Variants in SCN3B observed in about 807,000 individuals in gnomAD.
SCN3B encodes the protein sodium channel regulatory subunit beta-3.
SCN3B carries 11 observed loss-of-function variants against 25.4 expected under a neutral mutation model. The ratio of observed to expected loss-of-function variants is 0.43; its 90% CI spans 0.27 to 0.72. The LOEUF is 0.72. SCN3B is among the 30% of genes least tolerant of loss of function. The probability of loss-of-function intolerance (pLI) is 0.18; values close to 1 mark genes in which losing one functional copy is unlikely to be tolerated. For missense variants in SCN3B, 218 were observed against 278.3 expected (o/e 0.78, Z 1.54); for synonymous variants, 109 against 110.7 (o/e 0.99, Z 0.09).
At chr11:123,654,038 T>A (rs896250401) in intron 1 of SCN3B, 188 bp downstream of exon 1, 6 of 582,932 alleles carry the variant, frequency 1.0e-5, no homozygotes, top group Admixed American at 6.0e-5. Flanking sequence ...AGGGAGCCGA[T>A]CAGCCGCTCC....
intron 2 of SCN3B, among the ~76,000 whole-genome samples, chr11:123,650,196 T>TG (rs36091560): frequency 0.24 from 36,313 of 152,118 alleles, 4,464 homozygotes; most frequent in Admixed American, 0.29. Context: ...AAAAACATGA[T>TG]TATTAATAAT....
chr11:123,646,997 T>C (rs1231861255), intron 2 of SCN3B, among the ~76,000 whole-genome samples: 1 of 152,162 alleles, frequency 6.6e-6, no homozygotes, highest in Admixed American at 6.5e-5. Context: ...ACACAGAACA[T>C]ATCTGTCTTC....
chr11:123,638,442 G>A, intron 4 of SCN3B, 118 bp from the exon 5 acceptor site: 1 of 1,378,136 alleles, frequency 7.3e-7, no homozygotes, highest in Non-Finnish European at 1.0e-6. Flanking sequence ...TCAAGAAGAT[G>A]TCAAAGGTAT....
chr11:123,653,925 C>G (rs976561877), intron 1 of SCN3B, 99 bp from the exon 2 acceptor site: 4 of 1,137,386 alleles, frequency 3.5e-6, no homozygotes, highest in Non-Finnish European at 5.3e-6. Flanking sequence ...ACTTTCTGAC[C>G]GAAGGAAGGG....
intron 3 of SCN3B, among the ~76,000 whole-genome samples, chr11:123,644,113 G>C (rs947916): frequency 0.2 from 30,481 of 152,228 alleles, 3,326 homozygotes; most frequent in African/African-American, 0.3. Context: ...TGTATCTGCT[G>C]TTAGACCACC....
Position 123,653,582 on chromosome 11 carries a change from C to A in SCN3B, c.55+165G>T, listed in dbSNP as rs72552184. Among the ~76,000 whole-genome samples the A allele has an allele frequency of 5.2e-3, 791 of 152,228 alleles. 3 individuals are homozygous for A. Among genetic ancestry groups the A allele is most frequent in the Non-Finnish European group, 9.8e-3 (664 of 68,008 alleles). ...CGGTGGGGAGGCGCCTTTCCCATCT[C>A]AAAATCCCAGCTCTCATGGAACCCC... On this transcript the variant is annotated intron_variant, in intron 2 of 6. Transcript: ENST00000299333.
intron 6 of SCN3B, 96 bp downstream of exon 6, chr11:123,634,025 G>A: frequency 1.0e-6 from 1 of 983,730 alleles, no homozygotes; most frequent in Non-Finnish European, 1.6e-6. Context: ...TGACCTAAGG[G>A]ACCAAATTTA....
At chr11:123,645,084 T>C (rs1241594305) in intron 3 of SCN3B, among the ~76,000 whole-genome samples, 1 of 151,986 alleles carries the variant, frequency 6.6e-6, no homozygotes, top group African/African-American at 2.4e-5. Flanking sequence ...TTTGACATAA[T>C]TGACTCACTG....
intron 2 of SCN3B, among the ~76,000 whole-genome samples, chr11:123,646,691 G>A (rs549094164): frequency 6.6e-6 from 1 of 152,302 alleles, no homozygotes; most frequent in South Asian, 2.1e-4. Flanking sequence ...TTTTTAAAAG[G>A]AGGCAAGTAT....
chr11:123,638,394 T>G, intron 4 of SCN3B, 70 bp from the exon 5 acceptor site: 1 of 1,593,176 alleles, frequency 6.3e-7, no homozygotes, highest in Non-Finnish European at 8.6e-7. Flanking sequence ...GGAGCCATAT[T>G]TTTAAGTACA....
In SCN3B at chr11:123,654,477, G is replaced by C. The variant is rs72553916; in HGVS notation, c.-277C>G. Reference sequence around the variant, plus strand: ...TTCGGCCGGCGATGTCAGAGGTTGGGGGGTGGGTGTAGAGGCGGAGCCCCT... The same window carrying C: ...TTCGGCCGGCGATGTCAGAGGTTGGCGGGTGGGTGTAGAGGCGGAGCCCCT... On this transcript the variant is annotated 5_prime_UTR_variant, in exon 1 of 7. Transcript: ENST00000299333. The C allele has an allele frequency of 5.0e-3, 784 of 156,446 alleles. 5 individuals are homozygous for C. The highest frequency in any genetic ancestry group is 0.017 in the African/African-American group (718 of 41,590). The allele number at this position is 156,446 out of a possible 1,614,324, so 9.7% of individuals were successfully genotyped here.
intron 3 of SCN3B, among the ~76,000 whole-genome samples, chr11:123,644,834 T>C (rs1955834958): frequency 2.3e-5 from 3 of 129,680 alleles, no homozygotes; most frequent in South Asian, 2.6e-4. Context: ...TATATATATA[T>C]ATATATACAC....
intron 5 of SCN3B, among the ~76,000 whole-genome samples, chr11:123,637,063 T>C (rs956778885): frequency 2.0e-5 from 3 of 152,210 alleles, no homozygotes; most frequent in Admixed American, 6.5e-5. Context: ...GCCTCAGCAA[T>C]GTTGCTAGAA....
At position 123,637,978 on chromosome 11, in the gene SCN3B, TC is replaced by T. The variant is rs1291983238; in HGVS notation, c.584+207del. Among the ~76,000 whole-genome samples, 3 of 152,204 alleles carry T rather than the reference TC, an allele frequency of 2.0e-5. No homozygotes were observed. The East Asian group carries it at 5.8e-4, about 29-fold the overall frequency. On this transcript the variant is annotated intron_variant, in intron 5 of 6. Coordinates refer to ENST00000299333, the MANE Select transcript of SCN3B (RefSeq NM_001040151.2). ...TTGAATTAAGCAAATGTTTAATTTT[TC>T]GTAATGAATTAAGAGTTTGCCTTAA...
intron 6 of SCN3B, 135 bp from the exon 7 acceptor site, chr11:123,633,911 A>G: frequency 1.9e-6 from 1 of 516,308 alleles, no homozygotes; most frequent in Non-Finnish European, 3.6e-6. Flanking sequence ...GATTGCCTCG[A>G]CACTCAGGTC....
At position 123,631,229 on chromosome 11, in the gene SCN3B, T is replaced by A. The variant is rs974281713; in HGVS notation, c.*2570A>T. 7.9e-5 allele frequency: 12 copies of A among 152,104 alleles called. No homozygotes were observed. The highest frequency in any genetic ancestry group is 2.4e-4 in the African/African-American group (10 of 41,410). The allele number at this position is 152,104 out of a possible 1,614,324, so 9.4% of individuals were successfully genotyped here. A position where few individuals can be genotyped will look rare whatever the true frequency, so the allele number is the denominator to read the frequency against. On this transcript the variant is annotated 3_prime_UTR_variant, in exon 7 of 7. Transcript: ENST00000299333. Reference sequence around the variant, plus strand: ...AAGCAGCATCTGAGTTGGGTTTTTTTAAAAAGAAGAGAAAAAGGCAATCAT... The same window carrying A: ...AAGCAGCATCTGAGTTGGGTTTTTTAAAAAAGAAGAGAAAAAGGCAATCAT...
rs2137231130 is a variant in SCN3B, at chr11:123,634,222, G to A, written c.585-16C>T. ...GTAGTCAGACCTATAGAGGACACAG[G>A]GAAAGGGAATCAGAGCTTCAGTGCC... On this transcript the variant is annotated splice_polypyrimidine_tract_variant and intron_variant, in intron 5 of 6. Coordinates refer to ENST00000299333, the MANE Select transcript of SCN3B (RefSeq NM_001040151.2). 1.9e-6 allele frequency: 3 copies of A among 1,611,940 alleles called. No homozygotes were observed. The highest frequency in any genetic ancestry group is 1.7e-6 in the Non-Finnish European group (2 of 1,178,386).
intron 2 of SCN3B, 63 bp downstream of exon 2, chr11:123,653,684 T>G: frequency 6.4e-7 from 1 of 1,554,338 alleles, no homozygotes; most frequent in Non-Finnish European, 8.9e-7. Flanking sequence ...GACATCAATG[T>G]GTTATTATTG....
chr11:123,636,439 G>A (rs1029119027), intron 5 of SCN3B, among the ~76,000 whole-genome samples: 12 of 152,096 alleles, frequency 7.9e-5, no homozygotes, highest in Non-Finnish European at 1.5e-4. Context: ...ACACAATATT[G>A]ATAGAAACAG....
Sources: allele counts gnomAD v4.1 joint callset (sites outside exome capture counted in the v4.1 genomes callset), GRCh38; gene constraint gnomAD v4.1.1; transcripts MANE v1.5; gene names NCBI Gene and HGNC (gene_info 2026-07-23, HGNC 2026-07-21).